Variants in KCNIP4 observed in about 807,000 individuals in gnomAD.
KCNIP4 encodes potassium voltage-gated channel interacting protein 4.
KCNIP4 carries 12 observed loss-of-function variants against 34.0 expected under a neutral mutation model. That is an observed-to-expected ratio of 0.35 (90% CI 0.23 to 0.57). The LOEUF is 0.57. KCNIP4 is among the 20% of genes least tolerant of loss of function. The pLI is 0.83. For missense variants in KCNIP4, 238 were observed against 311.7 expected, an observed-to-expected ratio of 0.76 and a Z score of 1.78; for synonymous variants, 124 against 102.2, an observed-to-expected ratio of 1.21 and a Z score of -1.29.
chr4:20,731,812 A>C (rs1390102568), intron 8 of KCNIP4, 194 bp downstream of exon 8: 2 of 985,390 alleles, frequency 2.0e-6, no homozygotes, highest in Non-Finnish European at 2.4e-6. Context: ...AGCCTGACTC[A>C]GTGGGCACTC....
chr4:21,536,749 C>A (rs1055100614), intron 1 of KCNIP4, among the ~76,000 whole-genome samples: 5 of 151,832 alleles, frequency 3.3e-5, no homozygotes, highest in African/African-American at 9.7e-5. Context: ...CCACTGCACT[C>A]CAGCCTGGCT....
intron 1 of KCNIP4, among the ~76,000 whole-genome samples, chr4:21,341,317 A>T (rs114285157): frequency 6.6e-6 from 1 of 152,086 alleles, no homozygotes; most frequent in African/African-American, 2.4e-5. Context: ...GGAAACTAAC[A>T]CTGGTTCTAA....
chr4:21,575,262 C>T (rs1740669401), intron 1 of KCNIP4, among the ~76,000 whole-genome samples: 1 of 152,096 alleles, frequency 6.6e-6, no homozygotes, highest in African/African-American at 2.4e-5. Context: ...CTAGACAGAA[C>T]ACTTGAATCA....
chr4:21,611,370 A>C (rs1489672506), intron 1 of KCNIP4, among the ~76,000 whole-genome samples: 1 of 152,072 alleles, frequency 6.6e-6, no homozygotes, highest in African/African-American at 2.4e-5. Flanking sequence ...AAACCATCAG[A>C]TCTTATGAGA....
chr4:20,861,438 T>C (rs1304065001), intron 2 of KCNIP4, among the ~76,000 whole-genome samples: 1 of 152,126 alleles, frequency 6.6e-6, no homozygotes, highest in African/African-American at 2.4e-5. Flanking sequence ...TTTGAAACAC[T>C]GTGGGAGTCC....
At chr4:21,658,766 G>A (rs982455757) in intron 1 of KCNIP4, among the ~76,000 whole-genome samples, 3 of 152,148 alleles carry the variant, frequency 2.0e-5, no homozygotes, top group African/African-American at 7.2e-5. Context: ...GAATAGTGAA[G>A]CATACAGCAT....
In KCNIP4 at chr4:21,400,526, T is replaced by TCCCC. The variant is rs1560369292; in HGVS notation, c.62-517818_62-517817insGGGG. On this transcript the variant is annotated intron_variant, in intron 1 of 8. Coordinates refer to ENST00000382152, the MANE Select transcript of KCNIP4 (RefSeq NM_025221.6). ...TCCCCTCCCTTCCTCTTCTCTTCTC[T>TCCCC]TCTCTTCTCTTCTCTTCTCTTCTCT... 8.7e-3 allele frequency among the ~76,000 whole-genome samples: 356 copies of TCCCC among 40,960 alleles called. 8 individuals are homozygous for TCCCC. The highest frequency in any genetic ancestry group is 0.027 in the African/African-American group (329 of 12,240). 26.9% of individuals were successfully genotyped at this position (40,960 alleles called of 152,430 possible). A position where few individuals can be genotyped will look rare whatever the true frequency, so the allele number is the denominator to read the frequency against.
intron 1 of KCNIP4, among the ~76,000 whole-genome samples, chr4:21,699,966 T>G (rs1349815560): frequency 6.6e-6 from 1 of 152,078 alleles, no homozygotes; most frequent in Non-Finnish European, 1.5e-5. Flanking sequence ...GGTAGTCAGT[T>G]TCTGGATATA....
intron 1 of KCNIP4, among the ~76,000 whole-genome samples, chr4:21,090,014 C>T (rs1746844372): frequency 6.6e-6 from 1 of 152,108 alleles, no homozygotes; most frequent in Non-Finnish European, 1.5e-5. Flanking sequence ...TTCAATCGTT[C>T]CTTCTGCTCC....
At chr4:20,858,070 G>C (rs1034789916) in intron 2 of KCNIP4, among the ~76,000 whole-genome samples, 1 of 151,864 alleles carries the variant, frequency 6.6e-6, no homozygotes, top group South Asian at 2.1e-4. Flanking sequence ...AATTAGGCGG[G>C]TGTTGTGGTG....
At chr4:21,598,275 G>A (rs1424127814) in intron 1 of KCNIP4, among the ~76,000 whole-genome samples, 2 of 152,106 alleles carry the variant, frequency 1.3e-5, no homozygotes, top group Admixed American at 1.3e-4. Context: ...AGCTTGTATA[G>A]AGAACATGCA....
intron 1 of KCNIP4, chr4:21,844,730 T>C (rs1723900568): frequency 6.6e-6 from 1 of 152,096 alleles, no homozygotes; most frequent in African/African-American, 2.4e-5. Flanking sequence ...TTTATCTTTA[T>C]GAGACTACAT....
Position 21,304,030 on chromosome 4 carries a change from TGAGAGAGAGAGAGA to T in KCNIP4, c.62-421335_62-421322del, listed in dbSNP as rs770366497. The T allele has an allele frequency of 2.8e-3, 817 of 288,672 alleles. 11 individuals are homozygous for T. The African/African-American group carries it at 0.035, about 12-fold the overall frequency. The allele number at this position is 288,672 out of a possible 1,614,324, so 17.9% of individuals were successfully genotyped here. On this transcript the variant is annotated intron_variant, in intron 1 of 8. Coordinates refer to ENST00000382152, the MANE Select transcript of KCNIP4 (RefSeq NM_025221.6). The stretch of plus-strand genomic sequence containing the variant: ...GGAGAAAGGGGAGGAGGAGAGCGTA[TGAGAGAGAGAGAGA>T]GAGAGAGAGAGAGAGAGAGAGAGAC...
intron 1 of KCNIP4, among the ~76,000 whole-genome samples, chr4:21,119,005 A>G (rs1471377204): frequency 2.0e-5 from 3 of 152,216 alleles, no homozygotes; most frequent in Non-Finnish European, 4.4e-5. Flanking sequence ...GTTTCCTTAG[A>G]TATGATGAGG....
At chr4:21,739,944 T>C (rs1368385975) in intron 1 of KCNIP4, among the ~76,000 whole-genome samples, 4 of 152,132 alleles carry the variant, frequency 2.6e-5, no homozygotes, top group Non-Finnish European at 4.4e-5. Context: ...CTGATTTAAT[T>C]TGCCTTCACA....
intron 1 of KCNIP4, among the ~76,000 whole-genome samples, chr4:21,651,191 G>C (rs983361884): frequency 2.0e-5 from 3 of 152,174 alleles, no homozygotes; most frequent in Admixed American, 2.0e-4. Flanking sequence ...CACAGTCAAA[G>C]GGAGGATATT....
At chr4:20,904,580 C>G (rs549005766) in intron 1 of KCNIP4, among the ~76,000 whole-genome samples, 1 of 152,040 alleles carries the variant, frequency 6.6e-6, no homozygotes, top group African/African-American at 2.4e-5. Context: ...TACAAAACAC[C>G]TAACCAATGC....
At chr4:21,298,303 T>A (rs1240969977) in intron 1 of KCNIP4, among the ~76,000 whole-genome samples, 1 of 152,138 alleles carries the variant, frequency 6.6e-6, no homozygotes, top group Non-Finnish European at 1.5e-5. Context: ...ACCATCTTCA[T>A]CAAGCCTTAA....
intron 1 of KCNIP4, among the ~76,000 whole-genome samples, chr4:21,322,801 G>A (rs1447976238): frequency 1.3e-5 from 2 of 151,796 alleles, no homozygotes; most frequent in African/African-American, 4.8e-5. Context: ...TTAAAAATCT[G>A]GTGTCAAAGA....
Sources: gnomAD v4.1 joint callset for allele counts (sites outside exome capture counted in the v4.1 genomes callset) on GRCh38, gnomAD v4.1.1 for gene constraint, MANE v1.5 for transcripts, NCBI Gene and HGNC (gene_info 2026-07-23, HGNC 2026-07-21) for gene names.